CCSER1: variants seen among roughly 807,000 people sequenced by gnomAD.
CCSER1 encodes the protein coiled-coil serine rich protein 1.
In CCSER1, 41 loss-of-function variants were observed where a neutral mutation model predicts 82.0. That is an observed-to-expected ratio of 0.50 (90% CI 0.39 to 0.65). CCSER1 has a LOEUF of 0.65. CCSER1 is among the 30% of genes least tolerant of loss of function. The probability of loss-of-function intolerance (pLI) is 0.00; values close to 1 mark genes in which losing one functional copy is unlikely to be tolerated. For missense variants in CCSER1, 1,119 were observed against 1,064.2 expected (o/e 1.05, Z -0.72); for synonymous variants, 414 against 383.9 (o/e 1.08, Z -0.92).
Position 91,426,859 on chromosome 4 carries a change from C to A in CCSER1, c.2218-171713C>A, listed in dbSNP as rs1387677447. ...TGCTTACTATATGCTGGGTACTAAG[C>A]ATGTTATATTTATTGAACCCTATGA... On this transcript the variant is annotated intron_variant, in intron 10 of 10. Transcript: ENST00000509176. Among the ~76,000 whole-genome samples the A allele has an allele frequency of 5.3e-5, 8 of 152,088 alleles. No homozygotes were observed. The South Asian group carries it at 1.2e-3, about 24-fold the overall frequency.
chr4:90,518,605 G>T (rs1772610925), intron 5 of CCSER1, among the ~76,000 whole-genome samples: 1 of 151,916 alleles, frequency 6.6e-6, no homozygotes, highest in Non-Finnish European at 1.5e-5. Context: ...ATAATACAGT[G>T]ACTATAATAA....
chr4:90,893,391 G>A (rs1723221307), intron 8 of CCSER1, among the ~76,000 whole-genome samples: 1 of 152,012 alleles, frequency 6.6e-6, no homozygotes, highest in Non-Finnish European at 1.5e-5. Flanking sequence ...TGGCATGTCA[G>A]CCCCCACATA....
chr4:90,486,970 G>A (rs1006981805), intron 5 of CCSER1, among the ~76,000 whole-genome samples: 3 of 152,198 alleles, frequency 2.0e-5, no homozygotes, highest in African/African-American at 7.2e-5. Flanking sequence ...GGAGTGCAAA[G>A]GCAGGATCTC....
chr4:90,209,221 T>A (rs1157304572), intron 1 of CCSER1, among the ~76,000 whole-genome samples: 1 of 152,038 alleles, frequency 6.6e-6, no homozygotes, highest in Non-Finnish European at 1.5e-5. Context: ...GCGGTATGGG[T>A]GTGGAAATCA....
intron 10 of CCSER1, among the ~76,000 whole-genome samples, chr4:91,508,645 T>A (rs1244958844): frequency 6.6e-6 from 1 of 151,812 alleles, no homozygotes; most frequent in Non-Finnish European, 1.5e-5. Context: ...GATTTATTCC[T>A]ATTCTATTTT....
intron 4 of CCSER1, among the ~76,000 whole-genome samples, chr4:90,447,193 G>T (rs1760775715): frequency 6.6e-6 from 1 of 152,132 alleles, no homozygotes; most frequent in Non-Finnish European, 1.5e-5. Flanking sequence ...TTAGCTGTGA[G>T]AAAATGGTCC....
chr4:91,476,565 G>C (rs945788023), intron 10 of CCSER1, among the ~76,000 whole-genome samples: 17 of 151,458 alleles, frequency 1.1e-4, no homozygotes, highest in African/African-American at 4.1e-4. Flanking sequence ...AATTTATATG[G>C]AACAACAAAA....
chr4:91,579,004 TATGGCTAAA>T (rs1763596200), intron 10 of CCSER1, among the ~76,000 whole-genome samples: 1 of 151,866 alleles, frequency 6.6e-6, no homozygotes, highest in Non-Finnish European at 1.5e-5. Flanking sequence ...GTTATGAAGA[TATGGCTAAA>T]ATGTTTCCTG....
intron 3 of CCSER1, among the ~76,000 whole-genome samples, chr4:90,387,308 C>G (rs943774716): frequency 5.3e-5 from 8 of 151,928 alleles, no homozygotes; most frequent in Admixed American, 2.0e-4. Flanking sequence ...AAAATGGCAC[C>G]TTTTTTTAAC....
chr4:91,438,595 C>T (rs1025675085), intron 10 of CCSER1, among the ~76,000 whole-genome samples: 3 of 152,222 alleles, frequency 2.0e-5, no homozygotes, highest in Admixed American at 2.0e-4. Flanking sequence ...TCCAAAGGAA[C>T]ATAATTCATC....
At chr4:90,784,842 T>C (rs1177661435) in intron 7 of CCSER1, among the ~76,000 whole-genome samples, 1 of 152,152 alleles carries the variant, frequency 6.6e-6, no homozygotes, top group Non-Finnish European at 1.5e-5. Context: ...ATTCTTAAAG[T>C]AAGCTAGAGA....
At chr4:91,209,691 T>C (rs561376167) in intron 10 of CCSER1, among the ~76,000 whole-genome samples, 2 of 151,960 alleles carry the variant, frequency 1.3e-5, no homozygotes, top group East Asian at 3.9e-4. Context: ...GTTGTGTCTC[T>C]CCCATAACTT....
chr4:91,042,145 C>T (rs1742016164), intron 9 of CCSER1, among the ~76,000 whole-genome samples: 2 of 152,178 alleles, frequency 1.3e-5, no homozygotes, highest in African/African-American at 2.4e-5. Context: ...CCAAAAACCC[C>T]ATGTGCCAAG....
At chr4:90,433,069 T>A (rs554282777) in intron 4 of CCSER1, among the ~76,000 whole-genome samples, 1 of 152,224 alleles carries the variant, frequency 6.6e-6, no homozygotes, top group East Asian at 1.9e-4. Context: ...GTTTCTATCT[T>A]TATCCCATAA....
chr4:91,163,302 G>T (rs761711641), intron 10 of CCSER1, among the ~76,000 whole-genome samples: 1 of 152,232 alleles, frequency 6.6e-6, no homozygotes, highest in Non-Finnish European at 1.5e-5. Context: ...GAGACAGTTT[G>T]TTGTGATGTC....
intron 9 of CCSER1, among the ~76,000 whole-genome samples, chr4:90,993,387 C>T (rs1182796835): frequency 6.6e-6 from 1 of 151,918 alleles, no homozygotes; most frequent in Non-Finnish European, 1.5e-5. Context: ...ATTTAATTTG[C>T]AGCTATAATG....
intron 5 of CCSER1, among the ~76,000 whole-genome samples, chr4:90,591,581 T>C (rs199718170): frequency 2.6e-5 from 4 of 152,300 alleles, no homozygotes; most frequent in East Asian, 1.9e-4. Context: ...TTTACTCTAT[T>C]GATGGGAGTC....
intron 10 of CCSER1, among the ~76,000 whole-genome samples, chr4:91,211,500 A>G (rs757520827): frequency 2.6e-5 from 4 of 152,106 alleles, no homozygotes; most frequent in Non-Finnish European, 5.9e-5. Flanking sequence ...TCTGAAAATA[A>G]TCTAAATTAT....
chr4:91,459,766 A>G (rs948362221), intron 10 of CCSER1, among the ~76,000 whole-genome samples: 1 of 152,174 alleles, frequency 6.6e-6, no homozygotes, highest in Non-Finnish European at 1.5e-5. Flanking sequence ...TTCTACTTCA[A>G]GGACTACTCT....
Sources: gnomAD v4.1 joint callset for allele counts (sites outside exome capture counted in the v4.1 genomes callset) on GRCh38, gnomAD v4.1.1 for gene constraint, MANE v1.5 for transcripts, NCBI Gene and HGNC (gene_info 2026-07-23, HGNC 2026-07-21) for gene names.